CADPS2: variants seen among roughly 807,000 people sequenced by gnomAD.
CADPS2 encodes calcium-dependent secretion activator 2.
A neutral mutation model predicts 172.5 loss-of-function variants in CADPS2; 93 were observed. The observed-to-expected ratio is 0.54, with a 90% CI of 0.46 to 0.64. The LOEUF (loss-of-function observed/expected upper bound fraction) is 0.64. Ranked by LOEUF, CADPS2 falls within the 30% of genes least tolerant of loss-of-function variation. CADPS2 has a pLI of 0.00. For missense variants in CADPS2, 1,420 were observed against 1,565.9 expected, an observed-to-expected ratio of 0.91 and a Z score of 1.57; for synonymous variants, 546 against 555.2, an observed-to-expected ratio of 0.98 and a Z score of 0.23.
rs1314120469 is a variant in CADPS2, at chr7:122,779,566, G to A, written c.340-42498C>T. On this transcript the variant is annotated intron_variant, in intron 1 of 29. Coordinates refer to ENST00000449022, the MANE Select transcript of CADPS2 (RefSeq NM_017954.11). ...CTGCCCAGAGTGGACAAGAAAGAGAGTGAGCATTTGCTGAACAATAATCTA... is the reference window on the plus strand; with the variant it reads ...CTGCCCAGAGTGGACAAGAAAGAGAATGAGCATTTGCTGAACAATAATCTA... Among the ~76,000 whole-genome samples, 45 of 152,212 alleles carry A rather than the reference G, an allele frequency of 3.0e-4. 1 individual carries two copies. The highest frequency in any genetic ancestry group is 2.9e-3 in the Admixed American group (45 of 15,290).
chr7:122,728,051 T>C (rs910663863), intron 2 of CADPS2, among the ~76,000 whole-genome samples: 34 of 151,964 alleles, frequency 2.2e-4, no homozygotes, highest in African/African-American at 7.9e-4. Flanking sequence ...ACAAAAAAAA[T>C]AGGCTTTTTC....
intron 17 of CADPS2, among the ~76,000 whole-genome samples, chr7:122,422,977 T>TA (rs1386505783): frequency 4.0e-5 from 6 of 151,718 alleles, no homozygotes; most frequent in Non-Finnish European, 7.4e-5. Flanking sequence ...TAAATAAAAA[T>TA]AAAAATAAAT....
chr7:122,663,324 A>C lies in CADPS2; in HGVS notation c.699T>G (p.Ile233Met). Reference protein sequence around the residue: ...RMALSAVSELILSKEQLYEMF... With the variant: ...RMALSAVSELMLSKEQLYEMF... ...TTTCATAGAGTTGTTCCTTGCTCAG[A>C]ATAAGTTCAGACACTGCACTTAGGG... The change falls in exon 3 of 30, where the codon ATT (isoleucine) becomes ATG (methionine). Residue 233 changes from isoleucine (I) to methionine (M), a missense_variant. Ile to Met is a conservative substitution (Grantham distance 10). Transcript: ENST00000449022. The C allele has an allele frequency of 6.2e-7, 1 of 1,613,952 alleles. No homozygotes were observed. The highest frequency in any genetic ancestry group is 8.5e-7 in the Non-Finnish European group (1 of 1,179,860).
chr7:122,481,162 C>CTTTTTTTTTTTTTT (rs35352953), intron 11 of CADPS2, among the ~76,000 whole-genome samples: 1 of 107,546 alleles, frequency 9.3e-6, no homozygotes, highest in African/African-American at 3.6e-5. Context: ...TTTCTTCATT[C>CTTTTTTTTTTTTTT]TTTTTTTTTT....
At chr7:122,758,908 A>G (rs1302203547) in intron 1 of CADPS2, among the ~76,000 whole-genome samples, 3 of 152,162 alleles carry the variant, frequency 2.0e-5, no homozygotes, top group Non-Finnish European at 4.4e-5. Flanking sequence ...TGAAAGCACC[A>G]AGGTTAACAT....
intron 24 of CADPS2, chr7:122,386,242 C>T: frequency 2.5e-6 from 3 of 1,176,532 alleles, no homozygotes; most frequent in Admixed American, 3.4e-5. Context: ...TATACATTTA[C>T]AAAAATAATA....
intron 2 of CADPS2, among the ~76,000 whole-genome samples, chr7:122,716,016 G>A (rs544420656): frequency 1.5e-4 from 23 of 152,106 alleles, no homozygotes; most frequent in Admixed American, 2.6e-4. Context: ...CATTTCAAAT[G>A]TTCTCATCAC....
At chr7:122,462,496 C>T (rs1220132262) in intron 14 of CADPS2, among the ~76,000 whole-genome samples, 1 of 152,052 alleles carries the variant, frequency 6.6e-6, no homozygotes, top group Non-Finnish European at 1.5e-5. Flanking sequence ...CTTTTATTAA[C>T]ATGTGATTTA....
chr7:122,833,403 T>A (rs753461484), intron 1 of CADPS2, among the ~76,000 whole-genome samples: 2 of 152,160 alleles, frequency 1.3e-5, no homozygotes, highest in Non-Finnish European at 2.9e-5. Flanking sequence ...CGGGCTGGAG[T>A]ACAGTGGCAC....
In CADPS2 at chr7:122,457,349, T is replaced by C. The variant is rs141115140; in HGVS notation, c.2187-5874A>G. 2.6e-5 allele frequency among the ~76,000 whole-genome samples: 4 copies of C among 152,300 alleles called. No homozygotes were observed. The East Asian group carries it at 5.8e-4, about 22-fold the overall frequency. On this transcript the variant is annotated intron_variant, in intron 14 of 29. Coordinates refer to ENST00000449022, the MANE Select transcript of CADPS2 (RefSeq NM_017954.11). ...CATTTTATAGATCCCTTTTCCAGTA[T>C]AATAAAAAATTTCAGGGGTTTGTAA...
chr7:122,802,338 C>A (rs535795707), intron 1 of CADPS2, among the ~76,000 whole-genome samples: 1 of 152,344 alleles, frequency 6.6e-6, no homozygotes, highest in South Asian at 2.1e-4. Flanking sequence ...ACAAGCTGTG[C>A]TGTTTCCTGC....
At position 122,605,933 on chromosome 7, in the gene CADPS2, G is replaced by T. The variant is rs554778245; in HGVS notation, c.1223+9248C>A. Among the ~76,000 whole-genome samples, 30 of 152,076 alleles carry T rather than the reference G, an allele frequency of 2.0e-4. 1 individual carries two copies. The South Asian group carries it at 6.2e-3, about 32-fold the overall frequency. On this transcript the variant is annotated intron_variant, in intron 6 of 29. Coordinates refer to ENST00000449022, the MANE Select transcript of CADPS2 (RefSeq NM_017954.11). ...AAGCTCTAAGAAAATAAATAGATGG[G>T]AGCATTATTATAGCAATGTCCATCA...
At chr7:122,776,735 G>A (rs1486743635) in intron 1 of CADPS2, among the ~76,000 whole-genome samples, 2 of 152,158 alleles carry the variant, frequency 1.3e-5, no homozygotes, top group African/African-American at 2.4e-5. Context: ...TAGTAATATG[G>A]TCAATGAAGT....
rs1217876512 is a variant in CADPS2 at position 122,581,128 on chromosome 7, AAAG to A, written c.1335+48_1335+50del. On this transcript the variant is annotated intron_variant, in intron 7 of 29. Transcript: ENST00000449022. Reference sequence around the variant, plus strand: ...ACTGATCTACCTTAATCATGAATCCAAAGAAGTTAAAACTGTTCTACCCTGGAC... The same window carrying A: ...ACTGATCTACCTTAATCATGAATCCAAAGTTAAAACTGTTCTACCCTGGAC... The A allele has an allele frequency of 8.9e-5, 118 of 1,319,872 alleles. No homozygotes were observed. In the South Asian group the frequency reaches 1.2e-3, roughly 13 times the overall value. 81.8% of individuals were successfully genotyped at this position (1,319,872 alleles called of 1,614,324 possible). A position where few individuals can be genotyped will look rare whatever the true frequency, so the allele number is the denominator to read the frequency against.
chr7:122,576,633 C>A (rs1303157878), intron 7 of CADPS2, among the ~76,000 whole-genome samples: 2 of 152,118 alleles, frequency 1.3e-5, no homozygotes, highest in African/African-American at 4.8e-5. Context: ...TGTCCCCACC[C>A]AAATCTTATC....
intron 2 of CADPS2, among the ~76,000 whole-genome samples, chr7:122,677,441 TGAG>T (rs2082497751): frequency 6.6e-6 from 1 of 152,170 alleles, no homozygotes; most frequent in Non-Finnish European, 1.5e-5. Context: ...GGGAGGTGCC[TGAG>T]GAGGACGGGT....
At position 122,381,949 on chromosome 7, in the gene CADPS2, C is replaced by A. The variant is rs150089612; in HGVS notation, c.3313-2507G>T. On this transcript the variant is annotated intron_variant, in intron 24 of 29. Transcript: ENST00000449022. Reference sequence around the variant, plus strand: ...TGTATCTGGTTAGATATGACTTACACTAATATTACAACTGCTGGGAACTTT... The same window carrying A: ...TGTATCTGGTTAGATATGACTTACAATAATATTACAACTGCTGGGAACTTT... Among the ~76,000 whole-genome samples the A allele has an allele frequency of 5.9e-3, 895 of 152,170 alleles. 4 individuals are homozygous for A. Among genetic ancestry groups the A allele is most frequent in the Non-Finnish European group, 9.0e-3 (609 of 67,996 alleles).
intron 7 of CADPS2, among the ~76,000 whole-genome samples, chr7:122,569,613 A>G (rs1341598848): frequency 1.1e-4 from 14 of 126,436 alleles, no homozygotes; most frequent in South Asian, 2.4e-4. Flanking sequence ...GAGGCATCAC[A>G]CTACCTGACT....
intron 2 of CADPS2, among the ~76,000 whole-genome samples, chr7:122,726,009 T>G (rs1398723620): frequency 1.3e-5 from 2 of 151,972 alleles, no homozygotes; most frequent in African/African-American, 2.4e-5. Context: ...TTTGAATTTT[T>G]TTTTTCAAAT....
Sources: gnomAD v4.1 joint callset for allele counts (sites outside exome capture counted in the v4.1 genomes callset) on GRCh38, gnomAD v4.1.1 for gene constraint, MANE v1.5 for transcripts, NCBI Gene and HGNC (gene_info 2026-07-23, HGNC 2026-07-21) for gene names.